Variants in FAM53B observed in about 807,000 individuals in gnomAD.
FAM53B encodes the protein protein FAM53B.
FAM53B carries 12 observed loss-of-function variants against 32.7 expected under a neutral mutation model. The observed-to-expected ratio is 0.37, with a 90% CI of 0.24 to 0.59. The LOEUF (loss-of-function observed/expected upper bound fraction) is 0.59. FAM53B is among the 20% of genes least tolerant of loss of function. The pLI is 0.72. For synonymous variants in FAM53B, 234 were observed against 228.7 expected, an observed-to-expected ratio of 1.02 and a Z score of -0.21; for missense variants, 477 against 577.7, an observed-to-expected ratio of 0.83 and a Z score of 1.79.
intron 2 of FAM53B, chr10:124,703,572 T>C (rs1949930207): frequency 1.3e-5 from 2 of 152,272 alleles, no homozygotes; most frequent in Admixed American, 6.5e-5. Flanking sequence ...AGTCAATGTG[T>C]TCTGGGCGCA....
intron 3 of FAM53B, among the ~76,000 whole-genome samples, chr10:124,688,673 A>G (rs1949816243): frequency 6.6e-6 from 1 of 152,196 alleles, no homozygotes; most frequent in African/African-American, 2.4e-5. Flanking sequence ...ATTCGCACTC[A>G]CAAGGCTCTG....
chr10:124,673,022 A>T (rs1016406036), intron 4 of FAM53B, among the ~76,000 whole-genome samples: 1 of 152,184 alleles, frequency 6.6e-6, no homozygotes, highest in African/African-American at 2.4e-5. Context: ...ACCTTTGGGG[A>T]TTAGGATAAT....
chr10:124,734,324 G>A (rs1950162160), intron 1 of FAM53B, among the ~76,000 whole-genome samples: 1 of 152,204 alleles, frequency 6.6e-6, no homozygotes, highest in Non-Finnish European at 1.5e-5. Context: ...CATAGTAGCT[G>A]TTACTCCACA....
At chr10:124,664,056 G>A (rs529577198) in intron 4 of FAM53B, among the ~76,000 whole-genome samples, 5 of 152,252 alleles carry the variant, frequency 3.3e-5, no homozygotes, top group South Asian at 4.2e-4. Context: ...CAGGGAGCTT[G>A]GGTACCAGGT....
intron 4 of FAM53B, among the ~76,000 whole-genome samples, chr10:124,624,692 A>C (rs1239508644): frequency 6.6e-6 from 1 of 151,086 alleles, no homozygotes; most frequent in East Asian, 1.9e-4. Context: ...TACGCAGGCC[A>C]GTTCTGCTTG....
At chr10:124,642,151 G>A (rs765832632) in intron 4 of FAM53B, among the ~76,000 whole-genome samples, 7 of 152,216 alleles carry the variant, frequency 4.6e-5, no homozygotes, top group African/African-American at 1.4e-4. Context: ...TGGCTGTGCC[G>A]GGCAGGCTCA....
chr10:124,693,818 C>T lies in FAM53B; in HGVS notation c.133+2340G>A, dbSNP rs559116990. 2.6e-5 allele frequency among the ~76,000 whole-genome samples: 4 copies of T among 152,202 alleles called. No individual in the cohort carries two copies. The East Asian group carries it at 5.8e-4, about 22-fold the overall frequency. On this transcript the variant is annotated intron_variant, in intron 3 of 4. Transcript: ENST00000337318. ...CCTAAGCAGTGCAGAATTCACTGTT[C>T]GTTGATCTTTCTCCTCCACCAGACA...
intron 4 of FAM53B, among the ~76,000 whole-genome samples, chr10:124,677,588 T>TCCC (rs1949744387): frequency 6.6e-6 from 1 of 152,264 alleles, no homozygotes; most frequent in Admixed American, 6.5e-5. Flanking sequence ...AGGGCTTTCC[T>TCCC]CGCTACAGTC....
At chr10:124,643,793 A>G (rs972440) in intron 4 of FAM53B, among the ~76,000 whole-genome samples, 142,954 of 152,308 alleles carry the variant, frequency 0.94, 67,699 homozygotes, top group Non-Finnish European at 1. Context: ...AAGATGAGGC[A>G]CAGCGGTGCA....
At chr10:124,690,541 C>T (rs964952141) in intron 3 of FAM53B, among the ~76,000 whole-genome samples, 1 of 152,208 alleles carries the variant, frequency 6.6e-6, no homozygotes, top group East Asian at 1.9e-4. Flanking sequence ...ATCAGGTGAG[C>T]CCAACCTGGG....
chr10:124,676,447 G>A (rs1355260594), intron 4 of FAM53B, among the ~76,000 whole-genome samples: 1 of 152,182 alleles, frequency 6.6e-6, no homozygotes, highest in Non-Finnish European at 1.5e-5. Flanking sequence ...AAAGGTGCAG[G>A]CAAGCTGGGC....
chr10:124,656,521 G>A (rs1319791215), intron 4 of FAM53B, among the ~76,000 whole-genome samples: 2 of 152,192 alleles, frequency 1.3e-5, no homozygotes, highest in Non-Finnish European at 2.9e-5. Context: ...CAGTGTCCAT[G>A]GCACAGACCA....
intron 1 of FAM53B, among the ~76,000 whole-genome samples, chr10:124,712,081 G>A (rs988259770): frequency 6.6e-6 from 1 of 152,076 alleles, no homozygotes; most frequent in African/African-American, 2.4e-5. Flanking sequence ...TAAGCTGGGT[G>A]CAGTGGGTCA....
chr10:124,641,592 C>T (rs1383470806), intron 4 of FAM53B, among the ~76,000 whole-genome samples: 3 of 152,200 alleles, frequency 2.0e-5, no homozygotes, highest in South Asian at 2.1e-4. Context: ...AAACAGGAGC[C>T]GAGAGTCACG....
chr10:124,645,679 C>T (rs1157502276), intron 4 of FAM53B, among the ~76,000 whole-genome samples: 2 of 152,208 alleles, frequency 1.3e-5, no homozygotes, highest in African/African-American at 2.4e-5. Context: ...TCTGGCATAA[C>T]GCCTGCTTGC....
At chr10:124,694,681 C>T (rs1246713254) in intron 3 of FAM53B, among the ~76,000 whole-genome samples, 4 of 152,142 alleles carry the variant, frequency 2.6e-5, no homozygotes, top group Non-Finnish European at 2.9e-5. Context: ...AGGAAGCAGG[C>T]GAGGAGGCAG....
At chr10:124,656,420 G>T (rs1949589761) in intron 4 of FAM53B, among the ~76,000 whole-genome samples, 1 of 152,230 alleles carries the variant, frequency 6.6e-6, no homozygotes, top group East Asian at 1.9e-4. Flanking sequence ...ATGCCACAGT[G>T]AACACAGACC....
chr10:124,716,903 G>T (rs566886519), intron 1 of FAM53B, among the ~76,000 whole-genome samples: 1 of 152,032 alleles, frequency 6.6e-6, no homozygotes, highest in Non-Finnish European at 1.5e-5. Context: ...GGACCGCAGC[G>T]GGCCCCAAAG....
intron 1 of FAM53B, among the ~76,000 whole-genome samples, chr10:124,730,847 G>A (rs1485524567): frequency 6.6e-6 from 1 of 152,210 alleles, no homozygotes; most frequent in Admixed American, 6.5e-5. Context: ...GAAGAGGTCA[G>A]CACATTTTTT....
Sources: gnomAD v4.1 joint callset for allele counts (sites outside exome capture counted in the v4.1 genomes callset) on GRCh38, gnomAD v4.1.1 for gene constraint, MANE v1.5 for transcripts, NCBI Gene and HGNC (gene_info 2026-07-23, HGNC 2026-07-21) for gene names.